Variants in TMTC1 observed in about 807,000 individuals in gnomAD.
The protein encoded by TMTC1 is protein O-mannosyl-transferase TMTC1.
In TMTC1, 73 loss-of-function variants were observed where a neutral mutation model predicts 104.8. The observed-to-expected ratio is 0.70, with a 90% CI of 0.58 to 0.85. The LOEUF (loss-of-function observed/expected upper bound fraction) is 0.85, where lower values mean the gene tolerates loss of function less well. Ranked by LOEUF, TMTC1 falls within the 40% of genes least tolerant of loss-of-function variation. The pLI is 0.00. For missense variants in TMTC1, 1,035 were observed against 1,096.1 expected (o/e 0.94, Z 0.79); for synonymous variants, 434 against 428.7 (o/e 1.01, Z -0.15).
intron 15 of TMTC1, 89 bp from the exon 16 acceptor site, chr12:29,514,693 A>G (rs1458771957): frequency 7.2e-7 from 1 of 1,392,478 alleles, no homozygotes; most frequent in Non-Finnish European, 9.8e-7. Flanking sequence ...TTTTGTTCCT[A>G]TGTGTCAGCA....
chr12:29,710,011 G>A (rs916737886), intron 5 of TMTC1, among the ~76,000 whole-genome samples: 3 of 152,172 alleles, frequency 2.0e-5, no homozygotes, highest in African/African-American at 7.2e-5. Flanking sequence ...TTGCCAAAAA[G>A]TGAAATGACC....
At chr12:29,699,550 A>C (rs776781890) in intron 5 of TMTC1, among the ~76,000 whole-genome samples, 2 of 152,176 alleles carry the variant, frequency 1.3e-5, no homozygotes, top group Admixed American at 6.5e-5. Flanking sequence ...CCTATTGCAC[A>C]TAAGATATAG....
intron 2 of TMTC1, among the ~76,000 whole-genome samples, chr12:29,761,158 T>C (rs1174183669): frequency 6.7e-6 from 1 of 148,988 alleles, no homozygotes; most frequent in Admixed American, 6.7e-5. Flanking sequence ...TTCTAAATTA[T>C]ATTATAATCT....
chr12:29,597,343 A>G (rs892920462), intron 7 of TMTC1, among the ~76,000 whole-genome samples: 7 of 150,136 alleles, frequency 4.7e-5, no homozygotes, highest in African/African-American at 7.4e-5. Flanking sequence ...CCAAAATGCT[A>G]AGATGACAGG....
At chr12:29,702,198 TA>T (rs1321642979) in intron 5 of TMTC1, among the ~76,000 whole-genome samples, 2 of 152,262 alleles carry the variant, frequency 1.3e-5, no homozygotes, top group East Asian at 3.8e-4. Flanking sequence ...TCTACCTGTT[TA>T]ATTTTTCTAA....
intron 2 of TMTC1, among the ~76,000 whole-genome samples, chr12:29,760,061 C>G (rs968525909): frequency 6.6e-6 from 1 of 152,130 alleles, no homozygotes; most frequent in Admixed American, 6.5e-5. Flanking sequence ...CAAATACTTA[C>G]CATTGTGTTA....
In TMTC1 at chr12:29,774,378, C is replaced by T. The variant is rs74410928; in HGVS notation, c.303-6303G>A. On this transcript the variant is annotated intron_variant, in intron 1 of 17. Coordinates refer to ENST00000539277, the MANE Select transcript of TMTC1 (RefSeq NM_001193451.2). ...AGGGAAGGCTGCTAGTATTGCCCAGCTTTCCAGAAAAGCCCAGATTTCTCA... is the reference window on the plus strand; with the variant it reads ...AGGGAAGGCTGCTAGTATTGCCCAGTTTTCCAGAAAAGCCCAGATTTCTCA... Among the ~76,000 whole-genome samples the T allele has an allele frequency of 6.3e-3, 958 of 152,278 alleles. 11 individuals are homozygous for T. Among genetic ancestry groups the T allele is most frequent in the African/African-American group, 0.022 (900 of 41,552 alleles).
intron 11 of TMTC1, among the ~76,000 whole-genome samples, chr12:29,527,598 A>C (rs1476817998): frequency 6.6e-6 from 1 of 152,254 alleles, no homozygotes; most frequent in Non-Finnish European, 1.5e-5. Flanking sequence ...TCTGAAAAAC[A>C]TCTTTATAAC....
At chr12:29,708,428 T>A (rs2136826732) in intron 5 of TMTC1, among the ~76,000 whole-genome samples, 1 of 152,316 alleles carries the variant, frequency 6.6e-6, no homozygotes, top group African/African-American at 2.4e-5. Flanking sequence ...ACAAATAATT[T>A]GTCGAAGTCA....
At position 29,516,504 on chromosome 12, in the gene TMTC1, C is replaced by T. The variant is rs372353223; in HGVS notation, c.2170-18G>A. 31 of 1,608,954 alleles carry T rather than the reference C, an allele frequency of 1.9e-5. No homozygotes were observed. The South Asian group carries it at 3.4e-4, about 18-fold the overall frequency. ...ACCTGAGCCTACAAAACCACATGGA[C>T]CTTGGCTTAGCAGAGACTTCATTAC... On this transcript the variant is annotated intron_variant, in intron 14 of 17. Coordinates refer to ENST00000539277, the MANE Select transcript of TMTC1 (RefSeq NM_001193451.2).
At chr12:29,524,520 T>C (rs1007376454) in intron 11 of TMTC1, among the ~76,000 whole-genome samples, 1 of 152,192 alleles carries the variant, frequency 6.6e-6, no homozygotes, top group Non-Finnish European at 1.5e-5. Flanking sequence ...TCAGTCTTTG[T>C]AGTACAATCT....
At chr12:29,637,128 GAAC>G (rs1056109505) in intron 5 of TMTC1, among the ~76,000 whole-genome samples, 8 of 139,088 alleles carry the variant, frequency 5.8e-5, no homozygotes, top group Non-Finnish European at 7.9e-5. Context: ...ACACACAAAA[GAAC>G]AACAGTAACA....
rs1302840419 is a variant in TMTC1 at position 29,579,676 on chromosome 12, T to C, written c.1418+3731A>G. 2.6e-5 allele frequency among the ~76,000 whole-genome samples: 4 copies of C among 152,320 alleles called. 1 individual carries two copies. The East Asian group carries it at 7.7e-4, about 29-fold the overall frequency. On this transcript the variant is annotated intron_variant, in intron 8 of 17. Transcript: ENST00000539277. ...TTAATCTAATCAAATTATGCTATTA[T>C]GGTATTTATTTACTCCAAACAAATG...
intron 11 of TMTC1, 27 bp from the exon 12 acceptor site, chr12:29,520,747 T>C (rs1328708520): frequency 1.3e-6 from 2 of 1,571,076 alleles, no homozygotes; most frequent in South Asian, 1.2e-5. Flanking sequence ...ACAAACAAAA[T>C]AAGTGAGAAA....
Position 29,682,334 on chromosome 12 carries a change from A to G in TMTC1, c.939-48998T>C, listed in dbSNP as rs12812766. On this transcript the variant is annotated intron_variant, in intron 5 of 17. Coordinates refer to ENST00000539277, the MANE Select transcript of TMTC1 (RefSeq NM_001193451.2). ...TGGAATATAGTTTGGCAGCGTCTTAAAAAGCTCAACATACAGTTACCATAA... is the reference window on the plus strand; with the variant it reads ...TGGAATATAGTTTGGCAGCGTCTTAGAAAGCTCAACATACAGTTACCATAA... Among the ~76,000 whole-genome samples the G allele has an allele frequency of 9.4e-3, 1,430 of 152,314 alleles. 8 individuals carry two copies. Among genetic ancestry groups the G allele is most frequent in the Middle Eastern group, 0.037 (11 of 294 alleles).
At chr12:29,568,648 C>A in intron 9 of TMTC1, 1 of 187,690 alleles carries the variant, frequency 5.3e-6, no homozygotes, top group African/African-American at 2.3e-5. Flanking sequence ...CAAGCGTTTG[C>A]TTAATTTGTT....
intron 11 of TMTC1, chr12:29,535,317 A>G (rs905337145): frequency 1.3e-5 from 2 of 152,220 alleles, no homozygotes; most frequent in African/African-American, 2.4e-5. Context: ...GAGGTTTTTA[A>G]TCTAAAGCCC....
intron 5 of TMTC1, among the ~76,000 whole-genome samples, chr12:29,710,913 A>C (rs1376354876): frequency 7.5e-4 from 1 of 1,332 alleles, no homozygotes; most frequent in African/African-American, 8.7e-4. Context: ...TTAATAATAT[A>C]TAAATATATA....
chr12:29,595,085 C>G (rs58562430), intron 7 of TMTC1, among the ~76,000 whole-genome samples: 3 of 152,156 alleles, frequency 2.0e-5, no homozygotes, highest in African/African-American at 7.2e-5. Flanking sequence ...TTATTGTATT[C>G]AGTCTCATCT....
Sources: allele counts gnomAD v4.1 joint callset (sites outside exome capture counted in the v4.1 genomes callset), GRCh38; gene constraint gnomAD v4.1.1; transcripts MANE v1.5; gene names NCBI Gene and HGNC (gene_info 2026-07-23, HGNC 2026-07-21).